ZNF80: variants seen among roughly 807,000 people sequenced by gnomAD.
ZNF80 encodes ZNFPT17.
For synonymous variants in ZNF80, 132 were observed against 119.4 expected, an observed-to-expected ratio of 1.11 and a Z score of -0.69; for missense variants, 394 against 334.1, an observed-to-expected ratio of 1.18 and a Z score of -1.40.
Position 114,237,141 on chromosome 3 carries a change from T to C in ZNF80, c.-67A>G, listed in dbSNP as rs2078208036. 2.1e-6 allele frequency: 3 copies of C among 1,436,424 alleles called. No homozygotes were observed. Among genetic ancestry groups the C allele is most frequent in the Non-Finnish European group, 9.5e-7 (1 of 1,050,696 alleles). 89.0% of individuals were successfully genotyped at this position (1,436,424 alleles called of 1,614,324 possible). A position where few individuals can be genotyped will look rare whatever the true frequency, so the allele number is the denominator to read the frequency against. On this transcript the variant is annotated 5_prime_UTR_variant, in exon 1 of 1. Coordinates refer to ENST00000482457, the MANE Select transcript of ZNF80 (RefSeq NM_007136.4). Reference sequence around the variant, plus strand: ...TCAAGTGCCCTTCTGCATTTCCAACTGTGTCCGGAATTGGTGGGTTCTTGG... The same window carrying C: ...TCAAGTGCCCTTCTGCATTTCCAACCGTGTCCGGAATTGGTGGGTTCTTGG...
rs776250197 is a variant in ZNF80 at position 114,236,300 on chromosome 3, C to G, written c.775G>C (p.Ala259Pro). ...TGGATCTTACTCTGTTGGGCAAAAG[C>G]AGAGTGGTAGCCAAAGTCCTTTCTA... ...EHRKDFGYHS[A>P]FAQQSKIHSG... is the part of the protein sequence containing the mutation. The change falls in exon 1 of 1, where the codon GCT becomes CCT. Residue 259 changes from alanine (A) to proline (P), a missense_variant. By Grantham distance (27) the Ala-to-Pro change is conservative. Coordinates refer to ENST00000482457, the MANE Select transcript of ZNF80 (RefSeq NM_007136.4). The G allele has an allele frequency of 1.2e-6, 2 of 1,612,034 alleles. No individual in the cohort carries two copies. Among genetic ancestry groups the G allele is most frequent in the Non-Finnish European group, 1.7e-6 (2 of 1,178,592 alleles).
In ZNF80 at chr3:114,237,242, T is replaced by C. The variant is rs1052067715; in HGVS notation, c.-168A>G. The C allele has an allele frequency of 1.2e-5, 7 of 597,738 alleles. No individual in the cohort carries two copies. Among genetic ancestry groups the C allele is most frequent in the Non-Finnish European group, 2.0e-5 (7 of 342,328 alleles). The allele number at this position is 597,738 out of a possible 1,614,324, so 37.0% of individuals were successfully genotyped here. On this transcript the variant is annotated 5_prime_UTR_variant, in exon 1 of 1. Transcript: ENST00000482457. The stretch of plus-strand genomic sequence containing the variant: ...GCTCTTAAGGTGGCGCGTCTAGAGT[T>C]TGTTCCTTCTGATGTTCGGATGTGT...
rs982431399 is a variant in ZNF80 at position 114,237,058 on chromosome 3, T to C, written c.17A>G (p.Asp6Gly). The C allele has an allele frequency of 3.1e-6, 5 of 1,597,250 alleles. No individual in the cohort carries two copies. The highest frequency in any genetic ancestry group is 4.3e-6 in the Non-Finnish European group (5 of 1,170,810). The change falls in exon 1 of 1, where the codon GAT becomes GGT. Residue 6 changes from aspartate to glycine, a missense_variant. Coordinates refer to ENST00000482457, the MANE Select transcript of ZNF80 (RefSeq NM_007136.4). MSPKR[D>G]GLGTGDGLHS... ...CAGACCATCACCTGTCCCCAACCCA[T>C]CGCGTTTAGGGCTCATCTTCCTCCA...
rs577016155 is a variant in ZNF80 at position 114,236,545 on chromosome 3, G to A, written c.530C>T (p.Thr177Ile). ...GKTFYYNSSL[T>I]RHMKIHTGEK... ...TCCAGTGTGAATCTTCATGTGCCGG[G>A]TTAAGGAAGAGTTGTAGTAAAAGGT... Residue 177 changes from threonine to isoleucine, a missense_variant, in exon 1 of 1, where the codon ACC becomes ATC. By Grantham distance (89) the Thr-to-Ile change is moderately conservative. Transcript: ENST00000482457. The A allele has an allele frequency of 2.3e-4, 373 of 1,613,666 alleles. 9 individuals carry two copies. In the South Asian group the frequency reaches 3.8e-3, roughly 16 times the overall value.
Position 114,236,220 on chromosome 3 carries a change from AAG to A in ZNF80, c.*31_*32del. On this transcript the variant is annotated 3_prime_UTR_variant, in exon 1 of 1. Transcript: ENST00000482457. ...TCTATGTATCAAAGAAAAAAAAAAA[AAG>A]AAAACCCACAAATTCCCACATCATT... The A allele has an allele frequency of 6.7e-7, 1 of 1,497,794 alleles. No individual in the cohort carries two copies. The highest frequency in any genetic ancestry group is 1.3e-5 in the South Asian group (1 of 74,676). The allele number at this position is 1,497,794 out of a possible 1,614,324, so 92.8% of individuals were successfully genotyped here.
Position 114,237,234 on chromosome 3 carries a change from T to A in ZNF80, c.-160A>T, listed in dbSNP as rs924858548. 1.6e-6 allele frequency: 1 copy of A among 623,710 alleles called. No homozygotes were observed. Among genetic ancestry groups the A allele is most frequent in the Non-Finnish European group, 2.8e-6 (1 of 359,050 alleles). 38.6% of individuals were successfully genotyped at this position (623,710 alleles called of 1,614,324 possible). A position where few individuals can be genotyped will look rare whatever the true frequency, so the allele number is the denominator to read the frequency against. On this transcript the variant is annotated 5_prime_UTR_variant, in exon 1 of 1. Coordinates refer to ENST00000482457, the MANE Select transcript of ZNF80 (RefSeq NM_007136.4). ...GTGTTACAGCTCTTAAGGTGGCGCG[T>A]CTAGAGTTTGTTCCTTCTGATGTTC...
chr3:114,236,797 A>G lies in ZNF80; in HGVS notation c.278T>C (p.Val93Ala), dbSNP rs764829853. ...GKAFPEKVDF[V>A]RPMRIHTGEK... ...CCCTGTGTGAATCCTCATGGGTCGA[A>G]CGAAGTCGACCTTTTCAGGAAAGGC... Residue 93 changes from valine to alanine, a missense_variant, in exon 1 of 1, where the codon GTT becomes GCT. Transcript: ENST00000482457. 9 of 1,613,998 alleles carry G rather than the reference A, an allele frequency of 5.6e-6. No homozygotes were observed. Among genetic ancestry groups the G allele is most frequent in the Non-Finnish European group, 6.8e-6 (8 of 1,180,006 alleles).
At position 114,236,752 on chromosome 3, in the gene ZNF80, AC is replaced by A. The variant is rs1340005622; in HGVS notation, c.322del (p.Val108TrpfsTer46). 3.1e-6 allele frequency: 5 copies of A among 1,613,872 alleles called. No homozygotes were observed. The African/African-American group carries it at 6.7e-5, about 22-fold the overall frequency. On this transcript the variant is annotated frameshift_variant and NMD_transcript_variant, in exon 1 of 2. Transcript: ENST00000308095. ...GCGGTTGAAGACCTTCCCGCACTCC[AC>A]GCACTTACAGGGCTTCTCCCCTGTG...
chr3:114,237,290 G>A lies in ZNF80; in HGVS notation c.-216C>T, dbSNP rs2078209167. ...TGTTCGGAGTTTCTTCCTTCTGGCG[G>A]GTTCGTGGTCTCGCTGGCTCAGGAG... On this transcript the variant is annotated 5_prime_UTR_variant, in exon 1 of 1. Coordinates refer to ENST00000482457, the MANE Select transcript of ZNF80 (RefSeq NM_007136.4). The A allele has an allele frequency of 2.1e-5, 10 of 480,738 alleles. No individual in the cohort carries two copies. Among genetic ancestry groups the A allele is most frequent in the Middle Eastern group, 5.5e-4 (1 of 1,828 alleles). 29.8% of individuals were successfully genotyped at this position (480,738 alleles called of 1,614,324 possible). A position where few individuals can be genotyped will look rare whatever the true frequency, so the allele number is the denominator to read the frequency against.
chr3:114,237,127 T>C lies in ZNF80; in HGVS notation c.-53A>G. ...GACTGCAGCCAAACTCAAGTGCCCT[T>C]CTGCATTTCCAACTGTGTCCGGAAT... is the stretch of plus-strand genomic sequence containing the variant. On this transcript the variant is annotated 5_prime_UTR_variant, in exon 1 of 1. Transcript: ENST00000482457. 4 of 1,495,618 alleles carry C rather than the reference T, an allele frequency of 2.7e-6. No homozygotes were observed. The highest frequency in any genetic ancestry group is 3.6e-6 in the Non-Finnish European group (4 of 1,103,526). The allele number at this position is 1,495,618 out of a possible 1,614,324, so 92.6% of individuals were successfully genotyped here.
In ZNF80 at chr3:114,237,069, G is replaced by T. The variant is rs1162396551; in HGVS notation, c.6C>A (p.Ser2Arg). ...CTGTCCCCAACCCATCGCGTTTAGG[G>T]CTCATCTTCCTCCAGAAGGTCTCCG... Reference protein sequence around the residue: MSPKRDGLGTGD... With the variant: MRPKRDGLGTGD... The change falls in exon 1 of 1, where the codon AGC (serine) becomes AGA (arginine). Residue 2 changes from serine (S) to arginine (R), a missense_variant. Coordinates refer to ENST00000482457, the MANE Select transcript of ZNF80 (RefSeq NM_007136.4). The T allele has an allele frequency of 3.8e-6, 6 of 1,584,756 alleles. No homozygotes were observed. Among genetic ancestry groups the T allele is most frequent in the Non-Finnish European group, 5.1e-6 (6 of 1,165,354 alleles).
At position 114,236,151 on chromosome 3, in the gene ZNF80, T is replaced by C; in HGVS notation, c.*102A>G. 1.2e-6 allele frequency: 1 copy of C among 846,256 alleles called. No homozygotes were observed. Among genetic ancestry groups the C allele is most frequent in the Non-Finnish European group, 1.8e-6 (1 of 542,922 alleles). 52.4% of individuals were successfully genotyped at this position (846,256 alleles called of 1,614,324 possible). ...GAGGATGAGCTGCAGGTCACAGCTT[T>C]CCTACTGCCACTGAATTCAGAGTGC... On this transcript the variant is annotated 3_prime_UTR_variant, in exon 1 of 1. Coordinates refer to ENST00000482457, the MANE Select transcript of ZNF80 (RefSeq NM_007136.4).
chr3:114,236,301 A>G lies in ZNF80; in HGVS notation c.774T>C (p.Ser258=), dbSNP rs35711820. Residue 258 remains serine, a synonymous_variant, in exon 1 of 1, where the codon TCT becomes TCC. Coordinates refer to ENST00000482457, the MANE Select transcript of ZNF80 (RefSeq NM_007136.4). ...GGATCTTACTCTGTTGGGCAAAAGC[A>G]GAGTGGTAGCCAAAGTCCTTTCTAT... The part of the protein sequence containing the change: ...LEHRKDFGYH[S]AFAQQSKIHS... The G allele has an allele frequency of 4.1e-4, 664 of 1,612,364 alleles. 5 individuals carry two copies. The African/African-American group carries it at 7.8e-3, about 19-fold the overall frequency.
At position 114,236,762 on chromosome 3, in the gene ZNF80, A is replaced by C; in HGVS notation, c.313T>G (p.Cys105Gly). 6.2e-7 allele frequency: 1 copy of C among 1,614,184 alleles called. No individual in the cohort carries two copies. The highest frequency in any genetic ancestry group is 8.5e-7 in the Non-Finnish European group (1 of 1,180,018). The change falls in exon 1 of 1, where the codon TGT becomes GGT. Residue 105 changes from cysteine to glycine, a missense_variant. By Grantham distance (159) the Cys-to-Gly change is radical. Transcript: ENST00000482457. ...ACCTTCCCGCACTCCACGCACTTAC[A>C]GGGCTTCTCCCCTGTGTGAATCCTC... The part of the protein sequence containing the change: ...PMRIHTGEKP[C>G]KCVECGKVFN...
Position 114,236,452 on chromosome 3 carries a change from C to G in ZNF80, c.623G>C (p.Ser208Thr), listed in dbSNP as rs765345122. The G allele has an allele frequency of 8.7e-6, 14 of 1,612,556 alleles. No homozygotes were observed. In the Admixed American group the frequency reaches 1.2e-4, roughly 13 times the overall value. The change falls in exon 1 of 1, where the codon AGT (serine) becomes ACT (threonine). Residue 208 changes from serine to threonine, a missense_variant. Coordinates refer to ENST00000482457, the MANE Select transcript of ZNF80 (RefSeq NM_007136.4). ...GGGCTTTCCTGCAGTGTGGGTCATACTATGTCGGAAGAAAACAGAGCGGTA... is the reference window on the plus strand; with the variant it reads ...GGGCTTTCCTGCAGTGTGGGTCATAGTATGTCGGAAGAAAACAGAGCGGTA... ...FTYRSVFFRH[S>T]MTHTAGKPYE...
At position 114,237,020 on chromosome 3, in the gene ZNF80, A is replaced by G; in HGVS notation, c.55T>C (p.Leu19=). ...TCTCCTGTGGAGACCTGCTCCTGTAAAACCTGTGAGTGCAGACCATCACCT... is the reference window on the plus strand; with the variant it reads ...TCTCCTGTGGAGACCTGCTCCTGTAGAACCTGTGAGTGCAGACCATCACCT... ...GTGDGLHSQV[L]QEQVSTGDNL... The change falls in exon 1 of 1, where the codon TTA becomes CTA. Residue 19 remains leucine (L), a synonymous_variant. Coordinates refer to ENST00000482457, the MANE Select transcript of ZNF80 (RefSeq NM_007136.4). 6.2e-7 allele frequency: 1 copy of G among 1,613,320 alleles called. No homozygotes were observed. Among genetic ancestry groups the G allele is most frequent in the Non-Finnish European group, 8.5e-7 (1 of 1,179,560 alleles).
In ZNF80 at chr3:114,237,041, C is replaced by T. The variant is rs2078207414; in HGVS notation, c.34G>A (p.Asp12Asn). Residue 12 changes from aspartate (D) to asparagine (N), a missense_variant, in exon 1 of 1, where the codon GAT (aspartate) becomes AAT (asparagine). Physicochemically the swap from Asp to Asn is conservative, Grantham distance 23 (BLOSUM62 1). Coordinates refer to ENST00000482457, the MANE Select transcript of ZNF80 (RefSeq NM_007136.4). ...SPKRDGLGTGDGLHSQVLQEQ... is the reference protein window; with the variant it reads ...SPKRDGLGTGNGLHSQVLQEQ... ...TGTAAAACCTGTGAGTGCAGACCAT[C>T]ACCTGTCCCCAACCCATCGCGTTTA... is the stretch of plus-strand genomic sequence containing the variant. 2.5e-6 allele frequency: 4 copies of T among 1,609,512 alleles called. No individual in the cohort carries two copies. Among genetic ancestry groups the T allele is most frequent in the African/African-American group, 2.7e-5 (2 of 74,834 alleles).
rs1229408570 is a variant in ZNF80, at chr3:114,237,441, T to G, written c.-367A>C. ...CTTCAGGAGTGAAGCTGCAGACGTT[T>G]GCGGTGAGTGTTACAGCTGGTAAAA... On this transcript the variant is annotated 5_prime_UTR_variant, in exon 1 of 1. Transcript: ENST00000482457. 1 of 185,310 alleles carries G rather than the reference T, an allele frequency of 5.4e-6. No homozygotes were observed. The highest frequency in any genetic ancestry group is 1.1e-5 in the Non-Finnish European group (1 of 89,094). The allele number at this position is 185,310 out of a possible 1,614,324, so 11.5% of individuals were successfully genotyped here. A position where few individuals can be genotyped will look rare whatever the true frequency, so the allele number is the denominator to read the frequency against.
rs1466638065 is a variant in ZNF80, at chr3:114,234,978, C to G, written c.*1275G>C. 1 of 152,212 alleles carries G rather than the reference C, an allele frequency of 6.6e-6. No homozygotes were observed. Among genetic ancestry groups the G allele is most frequent in the Non-Finnish European group, 1.5e-5 (1 of 68,022 alleles). The allele number at this position is 152,212 out of a possible 1,614,324, so 9.4% of individuals were successfully genotyped here. ...AACTGATAAACATTTAGATTGTTCTCAACGTTTCACACATAAAAACAAAAC... is the reference window on the plus strand; with the variant it reads ...AACTGATAAACATTTAGATTGTTCTGAACGTTTCACACATAAAAACAAAAC... On this transcript the variant is annotated 3_prime_UTR_variant, in exon 1 of 1. Coordinates refer to ENST00000482457, the MANE Select transcript of ZNF80 (RefSeq NM_007136.4).
Sources: allele counts gnomAD v4.1 joint callset, GRCh38; gene constraint gnomAD v4.1.1; transcripts MANE v1.5; gene names NCBI Gene and HGNC (gene_info 2026-07-23, HGNC 2026-07-21).